The following GLS variants were observed in gnomAD, a reference collection of about 807,000 sequenced individuals.
GLS encodes glutaminase.
A neutral mutation model predicts 86.7 loss-of-function variants in GLS; 36 were observed. The observed-to-expected ratio is 0.42, with a 90% CI of 0.32 to 0.55. The LOEUF is 0.55. GLS is among the 20% of genes least tolerant of loss of function. The pLI, the probability that GLS is intolerant of heterozygous loss-of-function variation, is 0.17. For synonymous variants in GLS, 317 were observed against 305.9 expected, an observed-to-expected ratio of 1.04 and a Z score of -0.38; for missense variants, 528 against 833.4, an observed-to-expected ratio of 0.63 and a Z score of 4.51.
Position 190,964,916 on chromosome 2 carries a change from C to G in GLS, c.*1930C>G, listed in dbSNP as rs1474902590. On this transcript the variant is annotated 3_prime_UTR_variant, in exon 18 of 18. Transcript: ENST00000320717. This position sits in a 1 kb window ranked among gnomAD's most constrained non-coding sequence, Gnocchi z 5.2. Reference sequence around the variant, plus strand: ...GGCTTTTCTATAATAAAAAGAGGTTCTAACCATTATTTGGGAACAAAGAGA... The same window carrying G: ...GGCTTTTCTATAATAAAAAGAGGTTGTAACCATTATTTGGGAACAAAGAGA... The G allele has an allele frequency of 1.3e-5, 2 of 152,118 alleles. No homozygotes were observed. The highest frequency in any genetic ancestry group is 2.9e-5 in the Non-Finnish European group (2 of 68,018). The allele number at this position is 152,118 out of a possible 1,614,324, so 9.4% of individuals were successfully genotyped here.
chr2:190,881,669 C>G (rs1040262923), intron 1 of GLS, 199 bp downstream of exon 1: 9 of 519,972 alleles, frequency 1.7e-5, no homozygotes, highest in Non-Finnish European at 3.0e-5. Flanking sequence ...AACCCTCCGC[C>G]AGGCACCCAC....
At chr2:190,881,638 G>A (rs1377522893) in intron 1 of GLS, 168 bp downstream of exon 1, 7 of 603,510 alleles carry the variant, frequency 1.2e-5, no homozygotes, top group Non-Finnish European at 1.9e-5. Context: ...GCCCGGCCCC[G>A]CCCGCGCCTT....
In GLS at chr2:190,963,164, A is replaced by T; in HGVS notation, c.*178A>T. ...TCTGATCTCTTTGGGAAAAAATAGA[A>T]ATAAAACAATCTCCCTCCATAATGT... On this transcript the variant is annotated 3_prime_UTR_variant, in exon 18 of 18. Coordinates refer to ENST00000320717, the MANE Select transcript of GLS (RefSeq NM_014905.5). 2.1e-6 allele frequency: 1 copy of T among 474,026 alleles called. No individual in the cohort carries two copies. Among genetic ancestry groups the T allele is most frequent in the South Asian group, 3.7e-5 (1 of 26,674 alleles). 29.4% of individuals were successfully genotyped at this position (474,026 alleles called of 1,614,324 possible). A position where few individuals can be genotyped will look rare whatever the true frequency, so the allele number is the denominator to read the frequency against.
At chr2:190,961,398 T>C (rs1206915629) in intron 17 of GLS, among the ~76,000 whole-genome samples, 4 of 152,178 alleles carry the variant, frequency 2.6e-5, no homozygotes, top group African/African-American at 9.7e-5. Flanking sequence ...GGTTTCGCCA[T>C]GTTGGTCATT....
rs1691017010 is a variant in GLS at position 190,962,038 on chromosome 2, C to G, written c.1854-792C>G. Among the ~76,000 whole-genome samples the G allele has an allele frequency of 6.6e-6, 1 of 152,138 alleles. No individual in the cohort carries two copies. Among genetic ancestry groups the G allele is most frequent in the South Asian group, 2.1e-4 (1 of 4,838 alleles). On this transcript the variant is annotated intron_variant, in intron 17 of 17. Transcript: ENST00000320717. The surrounding 1 kb of genome is among the most constrained non-coding windows in gnomAD (Gnocchi z 4.2). ...AGTGTAAGGGAACTACCCATCGTAC[C>G]CTGTCATTGACTAGGGCTGTGAGTT...
chr2:190,915,461 C>T (rs897554416), intron 7 of GLS, among the ~76,000 whole-genome samples: 1 of 152,028 alleles, frequency 6.6e-6, no homozygotes, highest in African/African-American at 2.4e-5. Context: ...GTATTTACTA[C>T]AAATGATTAT....
chr2:190,894,051 AC>A (rs1688649387), intron 1 of GLS, among the ~76,000 whole-genome samples: 1 of 152,156 alleles, frequency 6.6e-6, no homozygotes, highest in Admixed American at 6.5e-5. Flanking sequence ...TTTTAGTGTT[AC>A]ACTAGTTTAG....
chr2:190,926,216 A>G (rs1473851170), intron 11 of GLS, among the ~76,000 whole-genome samples: 1 of 152,226 alleles, frequency 6.6e-6, no homozygotes, highest in Non-Finnish European at 1.5e-5. Context: ...AATGTTAAGT[A>G]TAAATTAGGA....
intron 14 of GLS, among the ~76,000 whole-genome samples, chr2:190,939,668 T>C (rs1690371757): frequency 6.6e-6 from 1 of 151,810 alleles, no homozygotes; most frequent in South Asian, 2.1e-4. Flanking sequence ...ATATATGTTT[T>C]ATATTGTGTT....
intron 1 of GLS, among the ~76,000 whole-genome samples, chr2:190,885,873 A>T (rs535355313): frequency 7.4e-6 from 1 of 135,170 alleles, no homozygotes; most frequent in African/African-American, 2.6e-5. Context: ...TTTTATTTTT[A>T]TTTATTTATT....
Position 190,949,913 on chromosome 2 carries a change from A to G in GLS, c.1651-3652A>G, listed in dbSNP as rs903535853. On this transcript the variant is annotated intron_variant, in intron 14 of 17. Coordinates refer to ENST00000320717, the MANE Select transcript of GLS (RefSeq NM_014905.5). This position sits in a 1 kb window ranked among gnomAD's most constrained non-coding sequence, Gnocchi z 4.0. ...CTATATTTAATGAGAGAGACAAAAA[A>G]CAAGTATATATAAAAATATATATAC... Among the ~76,000 whole-genome samples, 2 of 150,902 alleles carry G rather than the reference A, an allele frequency of 1.3e-5. No individual in the cohort carries two copies. Among genetic ancestry groups the G allele is most frequent in the African/African-American group, 4.9e-5 (2 of 41,146 alleles).
Position 190,913,826 on chromosome 2 carries a change from G to T in GLS, c.1038+3505G>T. 1.4e-6 allele frequency: 1 copy of T among 692,978 alleles called. No homozygotes were observed. The highest frequency in any genetic ancestry group is 1.8e-6 in the Non-Finnish European group (1 of 563,376). The allele number at this position is 692,978 out of a possible 1,614,324, so 42.9% of individuals were successfully genotyped here. A position where few individuals can be genotyped will look rare whatever the true frequency, so the allele number is the denominator to read the frequency against. ...TTTGTTTTTTGTTTTTTAGAGACAA[G>T]GTCTCTCTCTGTTGCCCAGTCTAAG... is the stretch of plus-strand genomic sequence containing the variant. On this transcript the variant is annotated intron_variant, in intron 7 of 17. Coordinates refer to ENST00000320717, the MANE Select transcript of GLS (RefSeq NM_014905.5). This position sits in a 1 kb window ranked among gnomAD's most constrained non-coding sequence, Gnocchi z 6.1.
chr2:190,925,209 CTTTATTT>C (rs1689861084), intron 11 of GLS, among the ~76,000 whole-genome samples: 1 of 152,070 alleles, frequency 6.6e-6, no homozygotes, highest in Admixed American at 6.5e-5. Flanking sequence ...TTGGGAAAAG[CTTTATTT>C]TTTATTTTTT....
chr2:190,905,551 A>G lies in GLS; in HGVS notation c.979+384A>G, dbSNP rs1271406535. Among the ~76,000 whole-genome samples the G allele has an allele frequency of 6.6e-6, 1 of 152,136 alleles. No homozygotes were observed. Among genetic ancestry groups the G allele is most frequent in the Non-Finnish European group, 1.5e-5 (1 of 67,964 alleles). ...TGGGTGTTTGTATATTATTCTATCT[A>G]TTATATTGTATATAGTAGTTGAAAG... On this transcript the variant is annotated intron_variant, in intron 6 of 17. Transcript: ENST00000320717. This position sits in a 1 kb window ranked among gnomAD's most constrained non-coding sequence, Gnocchi z 4.6.
In GLS at chr2:190,947,909, C is replaced by CCA. The variant is rs1558993055; in HGVS notation, c.1651-5656_1651-5655insCA. Among the ~76,000 whole-genome samples, 5 of 152,136 alleles carry CCA rather than the reference C, an allele frequency of 3.3e-5. No homozygotes were observed. The highest frequency in any genetic ancestry group is 3.3e-4 in the Admixed American group (5 of 15,260). ...TCAGCTTAGTTGGAAATACTCGTGG[C>CCA]GCTCTTTAACAGACCAGGAAGCAGA... On this transcript the variant is annotated intron_variant, in intron 14 of 17. Coordinates refer to ENST00000320717, the MANE Select transcript of GLS (RefSeq NM_014905.5). This position sits in a 1 kb window ranked among gnomAD's most constrained non-coding sequence, Gnocchi z 5.0.
chr2:190,912,660 A>G (rs1350115673), intron 7 of GLS, among the ~76,000 whole-genome samples: 1 of 152,166 alleles, frequency 6.6e-6, no homozygotes, highest in African/African-American at 2.4e-5. Flanking sequence ...TAACAGCAGT[A>G]GAATTGGACT....
Position 190,931,592 on chromosome 2 carries a change from C to T in GLS, c.1605C>T (p.His535=). ...CNFHNYDNLR[H]FAKKLDPRRE... ...TCCATAACTATGATAATTTGAGACACTTTGCAAAAAAACTTGATCCTCGAA... is the reference window on the plus strand; with the variant it reads ...TCCATAACTATGATAATTTGAGACATTTTGCAAAAAAACTTGATCCTCGAA... Residue 535 remains histidine, a synonymous_variant, in exon 14 of 18, where the codon CAC becomes CAT. Transcript: ENST00000320717. The T allele has an allele frequency of 6.3e-7, 1 of 1,588,496 alleles. No homozygotes were observed. The highest frequency in any genetic ancestry group is 1.1e-5 in the South Asian group (1 of 89,600).
intron 1 of GLS, chr2:190,882,120 A>T (rs1050804616): frequency 5.3e-5 from 8 of 152,234 alleles, no homozygotes; most frequent in African/African-American, 1.9e-4. Context: ...GGCCGAGAAG[A>T]TGGGGCACGC....
chr2:190,936,407 C>T lies in GLS; in HGVS notation c.1650+4770C>T, dbSNP rs189442272. 5.1e-3 allele frequency among the ~76,000 whole-genome samples: 775 copies of T among 151,194 alleles called. 7 individuals are homozygous for T. The highest frequency in any genetic ancestry group is 0.018 in the African/African-American group (732 of 41,448). ...CCTTATCTATGTACCTTAATCTACC[C>T]ATTCATATTCTGAAAATGATGAGCA... On this transcript the variant is annotated intron_variant, in intron 14 of 17. Transcript: ENST00000320717.
Sources: gnomAD v4.1 joint callset for allele counts (sites outside exome capture counted in the v4.1 genomes callset) on GRCh38, gnomAD v4.1.1 for gene constraint, Gnocchi (gnomAD v3.1) non-coding constraint, MANE v1.5 for transcripts, NCBI Gene and HGNC (gene_info 2026-07-23, HGNC 2026-07-21) for gene names.